The following ESRRG variants were observed in gnomAD, a reference collection of about 807,000 sequenced individuals.
ESRRG encodes the protein estrogen related receptor gamma.
A neutral mutation model predicts 44.0 loss-of-function variants in ESRRG; 13 were observed. That is an observed-to-expected ratio of 0.30 (90% CI 0.19 to 0.47). The LOEUF (loss-of-function observed/expected upper bound fraction) is 0.47. Ranked by LOEUF, ESRRG falls within the 20% of genes least tolerant of loss-of-function variation. ESRRG has a pLI of 1.00. For missense variants in ESRRG, 395 were observed against 580.6 expected, an observed-to-expected ratio of 0.68 and a Z score of 3.29; for synonymous variants, 215 against 214.6, an observed-to-expected ratio of 1.00 and a Z score of -0.02.
chr1:216,963,755 G>A (rs1434890563), intron 1 of ESRRG, among the ~76,000 whole-genome samples: 1 of 152,122 alleles, frequency 6.6e-6, no homozygotes, highest in African/African-American at 2.4e-5. Flanking sequence ...CCAACTTTGT[G>A]CAGGGCTCTA....
intron 1 of ESRRG, among the ~76,000 whole-genome samples, chr1:217,119,012 TAGATAGATAG>T (rs1558281882): frequency 1.1e-4 from 11 of 96,594 alleles, no homozygotes; most frequent in East Asian, 5.1e-4. Flanking sequence ...GATGGATAGA[TAGATAGATAG>T]ATAGATAGAT....
chr1:216,613,758 T>C (rs924895494), intron 3 of ESRRG, among the ~76,000 whole-genome samples: 3 of 152,236 alleles, frequency 2.0e-5, no homozygotes. Flanking sequence ...ATTCTTCTTT[T>C]TCTTCTCTTG....
At chr1:216,923,151 A>G (rs2062044722) in intron 2 of ESRRG, among the ~76,000 whole-genome samples, 1 of 152,202 alleles carries the variant, frequency 6.6e-6, no homozygotes. Context: ...AAAATCAACA[A>G]AGCCTTTTCA....
intron 1 of ESRRG, among the ~76,000 whole-genome samples, chr1:217,072,636 A>G (rs2090707382): frequency 6.6e-6 from 1 of 152,148 alleles, no homozygotes; most frequent in Non-Finnish European, 1.5e-5. Flanking sequence ...CAGGATTTGA[A>G]CCAGACCTAT....
intron 3 of ESRRG, among the ~76,000 whole-genome samples, chr1:216,606,692 T>A (rs2059976039): frequency 6.6e-6 from 1 of 152,156 alleles, no homozygotes; most frequent in Admixed American, 6.5e-5. Flanking sequence ...CAAAAATCAG[T>A]CACTTATTTG....
chr1:217,125,471 T>C (rs2092877856), intron 1 of ESRRG, among the ~76,000 whole-genome samples: 1 of 152,234 alleles, frequency 6.6e-6, no homozygotes, highest in Non-Finnish European at 1.5e-5. Flanking sequence ...AAAACACTTG[T>C]TGACATCTTC....
chr1:216,774,701 C>G (rs183111195), intron 2 of ESRRG, among the ~76,000 whole-genome samples: 11 of 151,442 alleles, frequency 7.3e-5, no homozygotes, highest in East Asian at 3.9e-4. Context: ...TGATTAAAAG[C>G]GTGTGAAAAC....
intron 1 of ESRRG, among the ~76,000 whole-genome samples, chr1:216,695,331 C>A (rs1389358584): frequency 6.6e-6 from 1 of 151,984 alleles, no homozygotes; most frequent in African/African-American, 2.4e-5. Flanking sequence ...CACACACACA[C>A]AAATGAATAT....
At chr1:217,016,559 T>A (rs1470454528) in intron 1 of ESRRG, among the ~76,000 whole-genome samples, 1 of 152,196 alleles carries the variant, frequency 6.6e-6, no homozygotes, top group Non-Finnish European at 1.5e-5. Context: ...ATCATCATCC[T>A]CATCATCATT....
In ESRRG at chr1:217,082,865, A is replaced by G. The variant is rs1454495665; in HGVS notation, c.-106+6642T>C. Among the ~76,000 whole-genome samples, 5 of 152,210 alleles carry G rather than the reference A, an allele frequency of 3.3e-5. 1 individual carries two copies. Among genetic ancestry groups the G allele is most frequent in the South Asian group, 4.1e-4 (2 of 4,836 alleles). ...TTAGAAGTACTGCTAATATTTCAGT[A>G]TATCAGGGAAAGAAAAGCCATATAC... On this transcript the variant is annotated intron_variant, in intron 1 of 7. Coordinates refer to the ESRRG transcript ENST00000359162.
intron 1 of ESRRG, among the ~76,000 whole-genome samples, chr1:216,960,850 C>T (rs2068899152): frequency 2.0e-5 from 3 of 152,108 alleles, no homozygotes; most frequent in Non-Finnish European, 4.4e-5. Context: ...CTAGTCCTCC[C>T]AAAGTGCTGG....
intron 1 of ESRRG, among the ~76,000 whole-genome samples, chr1:216,968,324 T>C (rs747093195): frequency 6.6e-6 from 1 of 152,188 alleles, no homozygotes; most frequent in Non-Finnish European, 1.5e-5. Flanking sequence ...TCATTTACAT[T>C]TTCTCATATG....
At chr1:216,735,301 T>C (rs2089670757) in intron 2 of ESRRG, among the ~76,000 whole-genome samples, 1 of 151,878 alleles carries the variant, frequency 6.6e-6, no homozygotes, top group Non-Finnish European at 1.5e-5. Flanking sequence ...CTCAAACTCC[T>C]GTGCTCAAGT....
At chr1:217,006,957 G>T (rs886810215) in intron 1 of ESRRG, among the ~76,000 whole-genome samples, 1 of 152,082 alleles carries the variant, frequency 6.6e-6, no homozygotes, top group Non-Finnish European at 1.5e-5. Context: ...AGCGATAAAG[G>T]CTAGCTTCCC....
intron 2 of ESRRG, among the ~76,000 whole-genome samples, chr1:216,787,599 CAAAAAAA>C (rs34433548): frequency 1.3e-4 from 10 of 76,440 alleles, no homozygotes; most frequent in East Asian, 8.3e-4. Context: ...AAGACTCCAT[CAAAAAAA>C]AAAAAAAAAA....
intron 1 of ESRRG, among the ~76,000 whole-genome samples, chr1:217,032,597 C>T (rs1453588829): frequency 3.3e-5 from 5 of 152,120 alleles, no homozygotes; most frequent in South Asian, 2.1e-4. Flanking sequence ...ACAAATGGTA[C>T]TTCAAACCTA....
intron 5 of ESRRG, among the ~76,000 whole-genome samples, chr1:216,550,946 C>G (rs1040874055): frequency 2.6e-5 from 4 of 152,068 alleles, no homozygotes; most frequent in African/African-American, 9.7e-5. Context: ...CAGACTATGG[C>G]TGATAATCAG....
At chr1:216,871,530 A>AT (rs943049765) in intron 2 of ESRRG, among the ~76,000 whole-genome samples, 2 of 151,942 alleles carry the variant, frequency 1.3e-5, no homozygotes, top group South Asian at 2.1e-4. Flanking sequence ...AGTCTTGATG[A>AT]TTTTTTTCTC....
chr1:216,691,342 T>C (rs1296856979), intron 1 of ESRRG, among the ~76,000 whole-genome samples: 2 of 152,110 alleles, frequency 1.3e-5, no homozygotes, highest in Non-Finnish European at 2.9e-5. Context: ...CCTGACTAGG[T>C]AAAATGATAC....
Sources: allele counts gnomAD v4.1 joint callset (sites outside exome capture counted in the v4.1 genomes callset), GRCh38; gene constraint gnomAD v4.1.1; transcripts MANE v1.5; gene names NCBI Gene and HGNC (gene_info 2026-07-23, HGNC 2026-07-21).